Variants in PDE4D observed in about 807,000 individuals in gnomAD.
PDE4D encodes phosphodiesterase 4D.
Under a neutral mutation model 87.4 loss-of-function variants are expected in PDE4D, and 24 were observed. That is an observed-to-expected ratio of 0.27 (90% CI 0.20 to 0.39). The LOEUF (loss-of-function observed/expected upper bound fraction) is 0.39. Among genes scored for constraint, PDE4D ranks in the 10% least tolerant of loss-of-function variants. The pLI, the probability that PDE4D is intolerant of heterozygous loss-of-function variation, is 1.00. For missense variants in PDE4D, 714 were observed against 1,041.0 expected (o/e 0.69, Z 4.32); for synonymous variants, 384 against 383.2 (o/e 1.00, Z -0.02).
chr5:59,242,702 T>C (rs574161235), intron 1 of PDE4D, among the ~76,000 whole-genome samples: 1 of 152,292 alleles, frequency 6.6e-6, no homozygotes, highest in South Asian at 2.1e-4. Flanking sequence ...CTGTAGACTG[T>C]GTTAAATCAT....
At chr5:59,191,845 A>G (rs1016568607) in intron 3 of PDE4D, among the ~76,000 whole-genome samples, 1 of 152,148 alleles carries the variant, frequency 6.6e-6, no homozygotes, top group African/African-American at 2.4e-5. Context: ...TGCTGGGATT[A>G]CAGGTACGAG....
intron 1 of PDE4D, among the ~76,000 whole-genome samples, chr5:60,510,802 T>A (rs1228515999): frequency 6.6e-6 from 1 of 152,012 alleles, no homozygotes; most frequent in African/African-American, 2.4e-5. Context: ...GGGAGTTAAG[T>A]GGTAAGGCAG....
intron 1 of PDE4D, among the ~76,000 whole-genome samples, chr5:59,250,493 G>GAA (rs560305696): frequency 8.4e-6 from 1 of 119,688 alleles, no homozygotes. Flanking sequence ...ATCCTGCCTC[G>GAA]AAAAAAAAAA....
intron 2 of PDE4D, among the ~76,000 whole-genome samples, chr5:60,027,499 T>A (rs1029292646): frequency 1.7e-4 from 26 of 152,192 alleles, no homozygotes; most frequent in African/African-American, 6.3e-4. Context: ...ATTGACTCCA[T>A]GTCTTTGCTG....
chr5:59,013,730 G>C (rs998435921), intron 6 of PDE4D, among the ~76,000 whole-genome samples: 1 of 152,064 alleles, frequency 6.6e-6, no homozygotes, highest in African/African-American at 2.4e-5. Flanking sequence ...AGAGGAGTTG[G>C]TAACATTCCT....
At chr5:59,363,467 C>T (rs1424528677) in intron 1 of PDE4D, among the ~76,000 whole-genome samples, 1 of 152,080 alleles carries the variant, frequency 6.6e-6, no homozygotes, top group Non-Finnish European at 1.5e-5. Flanking sequence ...CCAATACATG[C>T]CTGGAATATA....
At chr5:60,465,918 T>G (rs1178478145) in intron 1 of PDE4D, among the ~76,000 whole-genome samples, 2 of 150,104 alleles carry the variant, frequency 1.3e-5, no homozygotes. Flanking sequence ...CAAAATCAAC[T>G]GCACCGAACA....
At chr5:60,423,189 C>T (rs1306666626) in intron 1 of PDE4D, among the ~76,000 whole-genome samples, 11 of 152,186 alleles carry the variant, frequency 7.2e-5, no homozygotes, top group East Asian at 3.8e-4. Flanking sequence ...CCGCAACAAG[C>T]GGGCCTAATA....
chr5:59,306,176 A>G (rs1324276037), intron 1 of PDE4D, among the ~76,000 whole-genome samples: 1 of 152,112 alleles, frequency 6.6e-6, no homozygotes, highest in Non-Finnish European at 1.5e-5. Flanking sequence ...CTATTGCTTT[A>G]AAGTTTGTTT....
At chr5:59,223,896 C>G (rs917072351) in intron 1 of PDE4D, among the ~76,000 whole-genome samples, 3 of 151,958 alleles carry the variant, frequency 2.0e-5, no homozygotes, top group Admixed American at 2.0e-4. Flanking sequence ...CTAAATTATA[C>G]TACACATGTT....
rs376019607 is a variant in PDE4D at position 59,585,169 on chromosome 5, G to A, written c.455+307999C>T. Among the ~76,000 whole-genome samples the A allele has an allele frequency of 2.3e-4, 35 of 152,282 alleles. No homozygotes were observed. The South Asian group carries it at 7.1e-3, about 31-fold the overall frequency. Reference sequence around the variant, plus strand: ...GTAGATACGCCACAGCATCGACTCTGGATGGATCTGGTGTTGTTAGAAAAT... The same window carrying A: ...GTAGATACGCCACAGCATCGACTCTAGATGGATCTGGTGTTGTTAGAAAAT... On this transcript the variant is annotated intron_variant, in intron 1 of 14. Coordinates refer to ENST00000340635, the MANE Select transcript of PDE4D (RefSeq NM_001104631.2).
chr5:59,951,633 C>T (rs1036466948), intron 3 of PDE4D, among the ~76,000 whole-genome samples: 2 of 152,144 alleles, frequency 1.3e-5, no homozygotes, highest in Non-Finnish European at 2.9e-5. Context: ...AACCACCAAA[C>T]GTTAACATGA....
rs1755416423 is a variant in PDE4D, at chr5:60,314,961, CTTTATA to C, written c.-89-129280_-89-129275del. 3.9e-5 allele frequency among the ~76,000 whole-genome samples: 6 copies of C among 152,154 alleles called. No individual in the cohort carries two copies. In the South Asian group the frequency reaches 1.0e-3, roughly 26 times the overall value. On this transcript the variant is annotated intron_variant, in intron 1 of 16. Transcript: ENST00000502484. ...TCAATAAACATACGTGTGCATGTGT[CTTTATA>C]GCAGCATGATTTATAATCCTTTGGG... is the stretch of plus-strand genomic sequence containing the variant.
chr5:59,175,590 C>T (rs1783721192), intron 5 of PDE4D, among the ~76,000 whole-genome samples: 1 of 141,278 alleles, frequency 7.1e-6, no homozygotes, highest in Non-Finnish European at 1.5e-5. Context: ...CAAGCGATTT[C>T]CTGTCTCAGC....
intron 5 of PDE4D, among the ~76,000 whole-genome samples, chr5:59,143,164 C>T (rs2153456295): frequency 6.6e-6 from 1 of 150,964 alleles, no homozygotes; most frequent in Middle Eastern, 3.4e-3. Flanking sequence ...TTCCCTTCCT[C>T]CCTCCTTCCC....
rs762840450 is a variant in PDE4D at position 59,979,110 on chromosome 5, G to A, written c.272+9378C>T. Among the ~76,000 whole-genome samples the A allele has an allele frequency of 1.1e-3, 169 of 152,090 alleles. 1 individual carries two copies. The highest frequency in any genetic ancestry group is 3.7e-4 in the Non-Finnish European group (25 of 67,988). ...CTGGATCTGAACCCACAATATCTCC[G>A]AGGTATGTCTGGTATATACCTTCAA... is the stretch of plus-strand genomic sequence containing the variant. On this transcript the variant is annotated intron_variant, in intron 3 of 16. Coordinates refer to the PDE4D transcript ENST00000502484.
chr5:59,972,705 A>T (rs775565946), intron 3 of PDE4D, among the ~76,000 whole-genome samples: 1 of 152,210 alleles, frequency 6.6e-6, no homozygotes, highest in Non-Finnish European at 1.5e-5. Context: ...CAGTTCACTT[A>T]TCAAGGTTCA....
chr5:59,861,683 A>C (rs6896871), intron 1 of PDE4D, among the ~76,000 whole-genome samples: 4 of 152,138 alleles, frequency 2.6e-5, no homozygotes, highest in African/African-American at 9.7e-5. Context: ...TGTTGGACAA[A>C]AACTTCACCC....
chr5:60,327,215 C>T (rs1424645673), intron 1 of PDE4D, among the ~76,000 whole-genome samples: 1 of 152,146 alleles, frequency 6.6e-6, no homozygotes, highest in African/African-American at 2.4e-5. Context: ...AACAAGTGGC[C>T]AAACCTAAAT....
Sources: allele counts gnomAD v4.1 joint callset (sites outside exome capture counted in the v4.1 genomes callset), GRCh38; gene constraint gnomAD v4.1.1; transcripts MANE v1.5; gene names NCBI Gene and HGNC (gene_info 2026-07-23, HGNC 2026-07-21).